PIK3C2B: variants seen among roughly 807,000 people sequenced by gnomAD.
The protein encoded by PIK3C2B is phosphatidylinositol-4-phosphate 3-kinase catalytic subunit type 2 beta.
PIK3C2B carries 83 observed loss-of-function variants against 184.3 expected under a neutral mutation model. The observed-to-expected ratio is 0.45, with a 90% CI of 0.38 to 0.54. The LOEUF is 0.54. Ranked by LOEUF, PIK3C2B falls within the 20% of genes least tolerant of loss-of-function variation. The pLI is 0.00. For synonymous variants in PIK3C2B, 779 were observed against 837.6 expected, an observed-to-expected ratio of 0.93 and a Z score of 1.21; for missense variants, 1,736 against 2,113.5, an observed-to-expected ratio of 0.82 and a Z score of 3.50.
In PIK3C2B at chr1:204,433,823, G is replaced by A. The variant is rs1558234031; in HGVS notation, c.3813C>T (p.His1271=). 2 of 1,614,208 alleles carry A rather than the reference G, an allele frequency of 1.2e-6. No individual in the cohort carries two copies. The highest frequency in any genetic ancestry group is 2.2e-5 in the East Asian group (1 of 44,886). Residue 1271 remains histidine, a synonymous_variant, in exon 25 of 33, where the codon CAC becomes CAT. Coordinates refer to ENST00000684373, the MANE Select transcript of PIK3C2B (RefSeq NM_001377334.1). The surrounding 1 kb of genome is among the most constrained non-coding windows in gnomAD (Gnocchi z 5.0). ...CCQAYNLIRK[H]THLFLNLLGL... is the part of the protein sequence containing the mutation. Reference sequence around the variant, plus strand: ...CCAGAAGGTTGAGGAAGAGGTGGGTGTGCTTGCGAATGAGGTTGTAGGCTT... The same window carrying A: ...CCAGAAGGTTGAGGAAGAGGTGGGTATGCTTGCGAATGAGGTTGTAGGCTT...
Position 204,469,343 on chromosome 1 carries a change from G to T in PIK3C2B, c.460C>A (p.Leu154Ile). The T allele has an allele frequency of 6.5e-7, 1 of 1,528,224 alleles. No individual in the cohort carries two copies. Among genetic ancestry groups the T allele is most frequent in the East Asian group, 2.3e-5 (1 of 44,222 alleles). 94.7% of individuals were successfully genotyped at this position (1,528,224 alleles called of 1,614,324 possible). A position where few individuals can be genotyped will look rare whatever the true frequency, so the allele number is the denominator to read the frequency against. Residue 154 changes from leucine to isoleucine, a missense_variant, in exon 2 of 33, where the codon CTA (leucine) becomes ATA (isoleucine). Coordinates refer to ENST00000684373, the MANE Select transcript of PIK3C2B (RefSeq NM_001377334.1). The stretch of plus-strand genomic sequence containing the variant: ...CGGGGAGGCAGAGGAGGTGGGGATA[G>T]TTTCTTGCAAGAGCCCTCTATGTCC... Reference protein sequence around the residue: ...PGDIEGSCKKLSPPPLPPRAS... With the variant: ...PGDIEGSCKKISPPPLPPRAS...
At chr1:204,492,020 G>T (rs901622270) in intron 1 of PIK3C2B, among the ~76,000 whole-genome samples, 1 of 152,084 alleles carries the variant, frequency 6.6e-6, no homozygotes, top group Non-Finnish European at 1.5e-5. Context: ...CCTTGGTATT[G>T]TCACACTACT....
At position 204,469,381 on chromosome 1, in the gene PIK3C2B, G is replaced by A; in HGVS notation, c.422C>T (p.Ser141Phe). Residue 141 changes from serine (S) to phenylalanine (F), a missense_variant, in exon 2 of 33, where the codon TCC becomes TTC. Ser to Phe is a radical substitution (Grantham distance 155). Coordinates refer to ENST00000684373, the MANE Select transcript of PIK3C2B (RefSeq NM_001377334.1). ...FDGSDGGVSSSPGPGDIEGSC... is the reference protein window; with the variant it reads ...FDGSDGGVSSFPGPGDIEGSC... ...GCCCTCTATGTCCCCTGGTCCTGGGGACGAAGAGACTCCCCCATCTGAACC... is the reference window on the plus strand; with the variant it reads ...GCCCTCTATGTCCCCTGGTCCTGGGAACGAAGAGACTCCCCCATCTGAACC... The A allele has an allele frequency of 6.5e-7, 1 of 1,532,892 alleles. No homozygotes were observed. The highest frequency in any genetic ancestry group is 8.7e-7 in the Non-Finnish European group (1 of 1,144,040). The allele number at this position is 1,532,892 out of a possible 1,614,324, so 95.0% of individuals were successfully genotyped here.
chr1:204,429,043 TA>T (rs1289647763), intron 29 of PIK3C2B: 1 of 349,368 alleles, frequency 2.9e-6, no homozygotes, highest in African/African-American at 2.3e-5. Flanking sequence ...GGTGACATAG[TA>T]AAACCCTGTC....
chr1:204,443,280 A>G (rs1035288465), intron 19 of PIK3C2B, 137 bp downstream of exon 19: 2 of 723,918 alleles, frequency 2.8e-6, no homozygotes, highest in African/African-American at 1.8e-5. Context: ...TTTACGGCCT[A>G]GTTTCCAGAG....
intron 27 of PIK3C2B, among the ~76,000 whole-genome samples, 160 bp from the exon 28 acceptor site, chr1:204,431,953 C>T (rs1040619702): frequency 9.2e-5 from 14 of 152,166 alleles, no homozygotes; most frequent in Admixed American, 9.2e-4. Context: ...ACACAGGAAT[C>T]TAAAAGCAGA....
At position 204,442,595 on chromosome 1, in the gene PIK3C2B, G is replaced by A. The variant is rs61763420; in HGVS notation, c.3087C>T (p.Phe1029=). The A allele has an allele frequency of 4.5e-6, 7 of 1,555,896 alleles. No homozygotes were observed. Among genetic ancestry groups the A allele is most frequent in the Non-Finnish European group, 6.1e-6 (7 of 1,149,258 alleles). Residue 1029 remains phenylalanine (F), a synonymous_variant, in exon 20 of 33, where the codon TTC becomes TTT. Transcript: ENST00000684373. ...LRTGLEEVKQ[F]FALNGSCRLP... is the part of the protein sequence containing the mutation. ...AGCGGCACGAGCCATTGAGGGCAAA[G>A]AACTGCTTCACCTCCTCCAGGCCCG...
rs1674571278 is a variant in PIK3C2B at position 204,423,065 on chromosome 1, G to A, written c.*1787C>T. ...TCATGGGAAATATCCAGCCAATTCT[G>A]GTTTTAAAGATTCATATCAAATTCA... is the stretch of plus-strand genomic sequence containing the variant. On this transcript the variant is annotated 3_prime_UTR_variant, in exon 33 of 33. Coordinates refer to ENST00000684373, the MANE Select transcript of PIK3C2B (RefSeq NM_001377334.1). 1 of 152,134 alleles carries A rather than the reference G, an allele frequency of 6.6e-6. No homozygotes were observed. The highest frequency in any genetic ancestry group is 2.4e-5 in the African/African-American group (1 of 41,432). 9.4% of individuals were successfully genotyped at this position (152,134 alleles called of 1,614,324 possible).
intron 2 of PIK3C2B, among the ~76,000 whole-genome samples, chr1:204,468,030 G>A (rs1346018194): frequency 6.6e-6 from 1 of 152,126 alleles, no homozygotes; most frequent in Non-Finnish European, 1.5e-5. Flanking sequence ...CTTTGACCTA[G>A]ATAGTTCGCT....
rs139599165 is a variant in PIK3C2B, at chr1:204,469,194, T to C, written c.609A>G (p.Leu203=). The C allele has an allele frequency of 1.3e-5, 21 of 1,612,546 alleles. No homozygotes were observed. In the African/African-American group the frequency reaches 1.6e-4, roughly 12 times the overall value. ...SLVEQLPGKL[L]EHRILEEEEV... ...CTTCCTCTTCTAGGATCCGATGCTC[T>C]AGCAGTTTGCCCGGCAATTGTTCGA... Residue 203 remains leucine (L), a synonymous_variant, in exon 2 of 33, where the codon CTA becomes CTG. Transcript: ENST00000684373.
rs149988719 is a variant in PIK3C2B, at chr1:204,455,115, C to T, written c.1944-324G>A. ...GCGTCTGTGTGTGCGTGCGTGTGTG[C>T]GCGTGCACGTGCATGCGCAAGTGAG... On this transcript the variant is annotated intron_variant, in intron 11 of 32. Coordinates refer to ENST00000684373, the MANE Select transcript of PIK3C2B (RefSeq NM_001377334.1). Among the ~76,000 whole-genome samples the T allele has an allele frequency of 4.9e-3, 746 of 152,290 alleles. 8 individuals are homozygous for T. Among genetic ancestry groups the T allele is most frequent in the Middle Eastern group, 0.02 (6 of 294 alleles).
At chr1:204,491,699 G>A (rs1452875578) in intron 1 of PIK3C2B, among the ~76,000 whole-genome samples, 1 of 152,176 alleles carries the variant, frequency 6.6e-6, no homozygotes, top group Non-Finnish European at 1.5e-5. Context: ...CAATTTTGCT[G>A]TCCCTTTCTG....
In PIK3C2B at chr1:204,433,452, G is replaced by A. The variant is rs374953024; in HGVS notation, c.3844-27C>T. ...TAGAAGGAGCAGAAAGAAGAAGAGAGGGTGCCTGTAACAACAGAGAATTCT... is the reference window on the plus strand; with the variant it reads ...TAGAAGGAGCAGAAAGAAGAAGAGAAGGTGCCTGTAACAACAGAGAATTCT... On this transcript the variant is annotated intron_variant, in intron 25 of 32. Transcript: ENST00000684373. The surrounding 1 kb of genome is among the most constrained non-coding windows in gnomAD (Gnocchi z 5.0). The A allele has an allele frequency of 7.3e-7, 1 of 1,371,410 alleles. No individual in the cohort carries two copies. The highest frequency in any genetic ancestry group is 1.0e-6 in the Non-Finnish European group (1 of 960,896). The allele number at this position is 1,371,410 out of a possible 1,614,324, so 85.0% of individuals were successfully genotyped here.
At chr1:204,466,135 G>A (rs1655761723) in intron 2 of PIK3C2B, among the ~76,000 whole-genome samples, 1 of 152,210 alleles carries the variant, frequency 6.6e-6, no homozygotes, top group Non-Finnish European at 1.5e-5. Flanking sequence ...CTGTAGCCCA[G>A]CCCTAGGGAG....
Position 204,459,957 on chromosome 1 carries a change from A to G in PIK3C2B, c.1503-16T>C. On this transcript the variant is annotated splice_polypyrimidine_tract_variant and intron_variant, in intron 7 of 32. Coordinates refer to ENST00000684373, the MANE Select transcript of PIK3C2B (RefSeq NM_001377334.1). ...CAGGGCCTGCCTGGGAGTTGGGGGC[A>G]GGGAAAAACCACAGGAGAGGTCATG... is the stretch of plus-strand genomic sequence containing the variant. The G allele has an allele frequency of 6.2e-7, 1 of 1,612,420 alleles. No individual in the cohort carries two copies. The highest frequency in any genetic ancestry group is 1.7e-4 in the Middle Eastern group (1 of 6,004).
chr1:204,426,782 C>T (rs1179585725), intron 31 of PIK3C2B, among the ~76,000 whole-genome samples: 1 of 152,144 alleles, frequency 6.6e-6, no homozygotes, highest in Admixed American at 6.5e-5. Flanking sequence ...CCTGCCATAT[C>T]CCACTGCCCC....
chr1:204,462,457 G>T (rs542164164), intron 5 of PIK3C2B, among the ~76,000 whole-genome samples: 2 of 152,276 alleles, frequency 1.3e-5, no homozygotes, highest in South Asian at 4.1e-4. Flanking sequence ...CTAGTAAGTG[G>T]CAAGTCCGAA....
chr1:204,469,587 T>C lies in PIK3C2B; in HGVS notation c.216A>G (p.Ala72=). 1 of 1,597,018 alleles carries C rather than the reference T, an allele frequency of 6.3e-7. No individual in the cohort carries two copies. Among genetic ancestry groups the C allele is most frequent in the South Asian group, 1.1e-5 (1 of 88,392 alleles). ...EPGVDFYSKP[A]GRRTDLKLLR... ...ACAGCTTGAGGTCGGTCCGCCTTCC[T>C]GCTGGCTTGCTGTAAAAGTCTACCC... The change falls in exon 2 of 33, where the codon GCA becomes GCG. Residue 72 remains alanine, a synonymous_variant. Coordinates refer to ENST00000684373, the MANE Select transcript of PIK3C2B (RefSeq NM_001377334.1).
chr1:204,485,404 A>G (rs374016125), intron 1 of PIK3C2B, among the ~76,000 whole-genome samples: 6,369 of 151,786 alleles, frequency 0.042, 241 homozygotes, highest in African/African-American at 0.087. Context: ...CTTTTACCTG[A>G]AAAATTATTT....
Sources: gnomAD v4.1 joint callset for allele counts (sites outside exome capture counted in the v4.1 genomes callset) on GRCh38, gnomAD v4.1.1 for gene constraint, Gnocchi (gnomAD v3.1) non-coding constraint, MANE v1.5 for transcripts, NCBI Gene and HGNC (gene_info 2026-07-23, HGNC 2026-07-21) for gene names.